The following ASPH variants were observed in gnomAD, a reference collection of about 807,000 sequenced individuals.
The protein encoded by ASPH is aspartyl/asparaginyl beta-hydroxylase.
In ASPH, 100 loss-of-function variants were observed where a neutral mutation model predicts 118.4. That is an observed-to-expected ratio of 0.84 (90% CI 0.72 to 1.00). The LOEUF (loss-of-function observed/expected upper bound fraction) is 1.00, where lower values mean the gene tolerates loss of function less well. Among genes scored for constraint, ASPH ranks in the 50% least tolerant of loss-of-function variants. The pLI, the probability that ASPH is intolerant of heterozygous loss-of-function variation, is 0.00. For synonymous variants in ASPH, 315 were observed against 325.6 expected (o/e 0.97, Z 0.35); for missense variants, 920 against 919.5 (o/e 1.00, Z -0.01).
chr8:61,705,968 C>A (rs535661147), intron 1 of ASPH, among the ~76,000 whole-genome samples: 2 of 152,270 alleles, frequency 1.3e-5, no homozygotes, highest in East Asian at 3.9e-4. Flanking sequence ...CATTACAGAA[C>A]TCTTTCAATT....
intron 1 of ASPH, among the ~76,000 whole-genome samples, chr8:61,696,942 A>G (rs1167383265): frequency 2.0e-5 from 3 of 152,240 alleles, no homozygotes; most frequent in Non-Finnish European, 2.9e-5. Flanking sequence ...GCCAATATGG[A>G]CAACTAACAC....
chr8:61,510,483 T>C (rs1371503183), intron 24 of ASPH, among the ~76,000 whole-genome samples: 3 of 152,234 alleles, frequency 2.0e-5, no homozygotes, highest in Non-Finnish European at 4.4e-5. Flanking sequence ...GGAGCTGACC[T>C]AGAAACCACC....
In ASPH at chr8:61,668,133, T is replaced by C. The variant is rs192848663; in HGVS notation, c.322+12835A>G. ...CCCAAGCAAGACCCAAAAGCAATAG[T>C]GTTTAGCATTAGTAGCAATATTAAC... On this transcript the variant is annotated intron_variant, in intron 3 of 24. Coordinates refer to ENST00000379454, the MANE Select transcript of ASPH (RefSeq NM_004318.4). 9.0e-5 allele frequency: 105 copies of C among 1,171,050 alleles called. No homozygotes were observed. In the East Asian group the frequency reaches 2.5e-3, roughly 28 times the overall value. The allele number at this position is 1,171,050 out of a possible 1,614,324, so 72.5% of individuals were successfully genotyped here. A position where few individuals can be genotyped will look rare whatever the true frequency, so the allele number is the denominator to read the frequency against.
At chr8:61,658,169 A>G (rs1434030821) in intron 3 of ASPH, 1 of 152,220 alleles carries the variant, frequency 6.6e-6, no homozygotes, top group East Asian at 1.9e-4. Flanking sequence ...TTGTGTAATC[A>G]GTGAATACAG....
At chr8:61,651,647 G>A (rs1283537147) in intron 4 of ASPH, among the ~76,000 whole-genome samples, 1 of 152,184 alleles carries the variant, frequency 6.6e-6, no homozygotes, top group African/African-American at 2.4e-5. Flanking sequence ...TCTCACTCAG[G>A]TTTGTCAGGA....
At chr8:61,664,765 G>A in intron 3 of ASPH, 3 of 986,440 alleles carry the variant, frequency 3.0e-6, no homozygotes, top group Non-Finnish European at 1.2e-6. Flanking sequence ...GAGGAGGGAA[G>A]GTGGTGGCAC....
intron 1 of ASPH, among the ~76,000 whole-genome samples, chr8:61,703,401 ACT>A (rs1835736348): frequency 6.6e-6 from 1 of 152,218 alleles, no homozygotes; most frequent in Non-Finnish European, 1.5e-5. Context: ...CTTAAAAAAA[ACT>A]ACTAGAAGAA....
intron 3 of ASPH, among the ~76,000 whole-genome samples, chr8:61,666,312 G>A (rs1159211869): frequency 1.3e-5 from 2 of 152,120 alleles, no homozygotes; most frequent in Admixed American, 6.5e-5. Context: ...GCAATTAAAT[G>A]AAACACACAG....
At chr8:61,683,916 T>C in intron 2 of ASPH, 123 bp downstream of exon 2, 5 of 1,168,286 alleles carry the variant, frequency 4.3e-6, no homozygotes, top group Non-Finnish European at 6.0e-6. Flanking sequence ...CCTCACTCTA[T>C]TGAGAACCAC....
At position 61,683,881 on chromosome 8, in the gene ASPH, T is replaced by A. The variant is rs1829346947; in HGVS notation, c.253+158A>T. 1.2e-5 allele frequency: 10 copies of A among 827,444 alleles called. No individual in the cohort carries two copies. The South Asian group carries it at 2.1e-4, about 18-fold the overall frequency. The allele number at this position is 827,444 out of a possible 1,614,324, so 51.3% of individuals were successfully genotyped here. On this transcript the variant is annotated intron_variant, in intron 2 of 24. Coordinates refer to ENST00000379454, the MANE Select transcript of ASPH (RefSeq NM_004318.4). The stretch of plus-strand genomic sequence containing the variant: ...GAGTTCAAAAGACAATACTCCAAGG[T>A]AACCTTCTTCATATCCCCTTTCAGC...
At chr8:61,700,509 A>G (rs1235470110) in intron 1 of ASPH, among the ~76,000 whole-genome samples, 1 of 152,218 alleles carries the variant, frequency 6.6e-6, no homozygotes, top group Non-Finnish European at 1.5e-5. Context: ...AACTGTGCAC[A>G]ACGAATGGAG....
intron 18 of ASPH, among the ~76,000 whole-genome samples, chr8:61,557,080 G>C (rs1487409792): frequency 6.6e-6 from 1 of 152,110 alleles, no homozygotes; most frequent in Admixed American, 6.5e-5. Flanking sequence ...CTTCACCACT[G>C]CTACCCTGAC....
chr8:61,561,255 G>A lies in ASPH; in HGVS notation c.1437+1489C>T, dbSNP rs866860110. Reference sequence around the variant, plus strand: ...CATTCACAGACCCTGATTCACTGAGGTATATGATGCTTCTCTTAACCATAC... The same window carrying A: ...CATTCACAGACCCTGATTCACTGAGATATATGATGCTTCTCTTAACCATAC... On this transcript the variant is annotated intron_variant, in intron 18 of 24. Coordinates refer to ENST00000379454, the MANE Select transcript of ASPH (RefSeq NM_004318.4). Among the ~76,000 whole-genome samples, 5 of 152,130 alleles carry A rather than the reference G, an allele frequency of 3.3e-5. No homozygotes were observed. The South Asian group carries it at 6.2e-4, about 19-fold the overall frequency.
chr8:61,577,985 C>T (rs1238826735), intron 15 of ASPH, among the ~76,000 whole-genome samples: 2 of 152,180 alleles, frequency 1.3e-5, no homozygotes, highest in Non-Finnish European at 2.9e-5. Context: ...TAACTCATTC[C>T]AGCATAAACC....
chr8:61,684,036 T>C lies in ASPH; in HGVS notation c.253+3A>G, dbSNP rs368384273. ...ATTCACATAAGGATATCAAAATTCT[T>C]ACCTAGAACTTCCTCATAGTCAACA... is the stretch of plus-strand genomic sequence containing the variant. On this transcript the variant is annotated splice_donor_region_variant and intron_variant, in intron 2 of 24. Transcript: ENST00000379454. The C allele has an allele frequency of 4.3e-6, 7 of 1,612,962 alleles. No homozygotes were observed. The African/African-American group carries it at 8.0e-5, about 18-fold the overall frequency.
chr8:61,675,689 A>C, intron 3 of ASPH: 1 of 998,624 alleles, frequency 1.0e-6, no homozygotes, highest in Non-Finnish European at 1.2e-6. Context: ...TAGAATCATC[A>C]TAATTAATAG....
intron 11 of ASPH, 133 bp from the exon 12 acceptor site, chr8:61,638,136 C>T (rs1858722465): frequency 8.7e-7 from 1 of 1,150,580 alleles, no homozygotes; most frequent in Non-Finnish European, 1.2e-6. Context: ...TCTTTTTAAA[C>T]TGGGTCTTCT....
At chr8:61,611,910 T>C (rs891054627) in intron 14 of ASPH, among the ~76,000 whole-genome samples, 4 of 151,818 alleles carry the variant, frequency 2.6e-5, no homozygotes, top group Non-Finnish European at 5.9e-5. Context: ...ACACCAACAG[T>C]CCTCAGAAAG....
At chr8:61,503,580 C>A in intron 24 of ASPH, 71 bp from the exon 25 acceptor site, 13 of 1,437,340 alleles carry the variant, frequency 9.0e-6, no homozygotes, top group Non-Finnish European at 1.2e-5. Flanking sequence ...CGATTCCTGT[C>A]CATGTGCGAG....
Sources: gnomAD v4.1 joint callset for allele counts (sites outside exome capture counted in the v4.1 genomes callset) on GRCh38, gnomAD v4.1.1 for gene constraint, MANE v1.5 for transcripts, NCBI Gene and HGNC (gene_info 2026-07-23, HGNC 2026-07-21) for gene names.